ATF7: variants seen among roughly 807,000 people sequenced by gnomAD.
ATF7 encodes activating transcription factor 7.
In ATF7, 10 loss-of-function variants were observed where a neutral mutation model predicts 50.4. The ratio of observed to expected loss-of-function variants is 0.20; its 90% CI spans 0.12 to 0.34. ATF7 has a LOEUF of 0.34. Among genes scored for constraint, ATF7 ranks in the 10% least tolerant of loss-of-function variants. The pLI, the probability that ATF7 is intolerant of heterozygous loss-of-function variation, is 1.00. For missense variants in ATF7, 465 were observed against 613.9 expected, an observed-to-expected ratio of 0.76 and a Z score of 2.56; for synonymous variants, 201 against 226.4, an observed-to-expected ratio of 0.89 and a Z score of 1.01.
At chr12:53,618,033 T>C (rs1170560323) in intron 1 of ATF7, among the ~76,000 whole-genome samples, 1 of 152,218 alleles carries the variant, frequency 6.6e-6, no homozygotes, top group South Asian at 2.1e-4. Flanking sequence ...AATGTCATGA[T>C]AAAATATTTT....
chr12:53,615,385 A>G lies in ATF7; in HGVS notation c.-22+10894T>C, dbSNP rs1944079736. Among the ~76,000 whole-genome samples the G allele has an allele frequency of 2.0e-5, 3 of 152,098 alleles. No homozygotes were observed. The South Asian group carries it at 6.2e-4, about 31-fold the overall frequency. ...GGTGACAGAGCGAGACTCTGTCTCA[A>G]AAAAAAGAAAAGAAAAATAAAAAAG... On this transcript the variant is annotated intron_variant, in intron 1 of 11. Transcript: ENST00000420353.
At chr12:53,611,536 T>G (rs928608824) in intron 1 of ATF7, among the ~76,000 whole-genome samples, 1 of 152,176 alleles carries the variant, frequency 6.6e-6, no homozygotes, top group African/African-American at 2.4e-5. Context: ...TGGGCAAAAT[T>G]CAGCCTATCA....
At chr12:53,593,632 G>A (rs1179567692) in intron 2 of ATF7, among the ~76,000 whole-genome samples, 3 of 152,178 alleles carry the variant, frequency 2.0e-5, no homozygotes, top group South Asian at 2.1e-4. Flanking sequence ...TAGTAATGGC[G>A]CTTTTACTTG....
At chr12:53,567,395 G>C (rs1443543265) in intron 2 of ATF7, among the ~76,000 whole-genome samples, 1 of 152,184 alleles carries the variant, frequency 6.6e-6, no homozygotes, top group Admixed American at 6.5e-5. Context: ...GGAAACTGGG[G>C]CAGTTAAAGA....
intron 3 of ATF7, among the ~76,000 whole-genome samples, chr12:53,546,697 G>A (rs562061176): frequency 5.1e-4 from 78 of 151,784 alleles, no homozygotes; most frequent in Non-Finnish European, 1.1e-3. Flanking sequence ...TGATCTGCCT[G>A]CCTCAGCCTC....
intron 11 of ATF7, among the ~76,000 whole-genome samples, chr12:53,519,823 T>C (rs1937993577): frequency 6.6e-6 from 1 of 152,180 alleles, no homozygotes; most frequent in Non-Finnish European, 1.5e-5. Flanking sequence ...TTTGGCTCAC[T>C]GCAATCTCTG....
At chr12:53,582,598 A>G (rs1371789148) in intron 2 of ATF7, among the ~76,000 whole-genome samples, 1 of 152,184 alleles carries the variant, frequency 6.6e-6, no homozygotes, top group Non-Finnish European at 1.5e-5. Flanking sequence ...ATTTATTTTG[A>G]GACGGAGTCT....
chr12:53,521,098 T>A (rs1668323108), intron 11 of ATF7, among the ~76,000 whole-genome samples: 1 of 152,060 alleles, frequency 6.6e-6, no homozygotes, highest in Admixed American at 6.6e-5. Flanking sequence ...GTTCAAGTGA[T>A]TCTCCTGCCT....
chr12:53,596,001 T>C (rs1943135635), intron 2 of ATF7, among the ~76,000 whole-genome samples: 1 of 152,012 alleles, frequency 6.6e-6, no homozygotes, highest in Non-Finnish European at 1.5e-5. Flanking sequence ...ATTTTTTCCT[T>C]AAAAGGACAG....
chr12:53,573,637 C>A (rs1592904100), intron 2 of ATF7, among the ~76,000 whole-genome samples: 1 of 152,062 alleles, frequency 6.6e-6, no homozygotes, highest in African/African-American at 2.4e-5. Flanking sequence ...TGGTTTCATG[C>A]CTCCACTGGG....
At chr12:53,615,097 A>G (rs1944062535) in intron 1 of ATF7, among the ~76,000 whole-genome samples, 1 of 151,808 alleles carries the variant, frequency 6.6e-6, no homozygotes. Flanking sequence ...AAGAAAAAAA[A>G]AAAGAGCTGG....
intron 4 of ATF7, 107 bp downstream of exon 4, chr12:53,543,223 G>A: frequency 6.5e-7 from 1 of 1,550,372 alleles, no homozygotes; most frequent in South Asian, 1.2e-5. Flanking sequence ...ACTCTACTAA[G>A]CCCATGATTT....
chr12:53,529,710 T>TATACAC (rs1555216854), intron 9 of ATF7, among the ~76,000 whole-genome samples: 36 of 132,246 alleles, frequency 2.7e-4, no homozygotes, highest in Admixed American at 2.4e-3. Flanking sequence ...TATATACACA[T>TATACAC]ACACACACAC....
At chr12:53,568,860 G>T (rs1941595505) in intron 2 of ATF7, among the ~76,000 whole-genome samples, 1 of 152,178 alleles carries the variant, frequency 6.6e-6, no homozygotes, top group African/African-American at 2.4e-5. Flanking sequence ...CAGGCAGGTA[G>T]GGGCAAAGAA....
chr12:53,549,689 C>CCTGCCT, intron 3 of ATF7, among the ~76,000 whole-genome samples: 1 of 152,264 alleles, frequency 6.6e-6, no homozygotes, highest in South Asian at 2.1e-4. Flanking sequence ...AAGTGATTCT[C>CCTGCCT]CTGCCTCAGC....
intron 1 of ATF7, among the ~76,000 whole-genome samples, chr12:53,610,562 C>G (rs958828270): frequency 1.7e-4 from 21 of 125,430 alleles, no homozygotes; most frequent in African/African-American, 6.8e-4. Flanking sequence ...GAGACTCTGT[C>G]TCAAAAAAAA....
At chr12:53,539,321 G>A (rs978899289) in intron 4 of ATF7, among the ~76,000 whole-genome samples, 5 of 152,230 alleles carry the variant, frequency 3.3e-5, no homozygotes, top group African/African-American at 1.2e-4. Flanking sequence ...GCTCATGCCT[G>A]TAATCTCAAC....
rs554813433 is a variant in ATF7, at chr12:53,550,183, C to T, written c.145+2358G>A. 5.2e-4 allele frequency among the ~76,000 whole-genome samples: 79 copies of T among 151,530 alleles called. 1 individual carries two copies. The highest frequency in any genetic ancestry group is 1.8e-3 in the African/African-American group (73 of 41,386). On this transcript the variant is annotated intron_variant, in intron 3 of 11. Coordinates refer to ENST00000420353, the MANE Select transcript of ATF7 (RefSeq NM_006856.3). ...ACTAAAAATACAAAAATTAGCCGAT[C>T]GGTAGTGGTGCGCGCCTACAATCCC... is the stretch of plus-strand genomic sequence containing the variant.
intron 2 of ATF7, among the ~76,000 whole-genome samples, chr12:53,583,185 A>T (rs965023001): frequency 6.6e-6 from 1 of 152,218 alleles, no homozygotes; most frequent in Admixed American, 6.5e-5. Context: ...GGGGGTGAGC[A>T]GCAGGCAAGT....
Sources: allele counts gnomAD v4.1 joint callset (sites outside exome capture counted in the v4.1 genomes callset), GRCh38; gene constraint gnomAD v4.1.1; transcripts MANE v1.5; gene names NCBI Gene and HGNC (gene_info 2026-07-23, HGNC 2026-07-21).